ZFYVE28: variants seen among roughly 807,000 people sequenced by gnomAD.
ZFYVE28 encodes lateral signaling target protein 2 homolog.
In ZFYVE28, 40 loss-of-function variants were observed where a neutral mutation model predicts 82.1. The ratio of observed to expected loss-of-function variants is 0.49; its 90% CI spans 0.38 to 0.63. The LOEUF (loss-of-function observed/expected upper bound fraction) is 0.63, where lower values mean the gene tolerates loss of function less well. Among genes scored for constraint, ZFYVE28 ranks in the 30% least tolerant of loss-of-function variants. The pLI is 0.00. For missense variants in ZFYVE28, 1,321 were observed against 1,242.1 expected (o/e 1.06, Z -0.96); for synonymous variants, 612 against 546.1 (o/e 1.12, Z -1.68).
At chr4:2,296,210 T>C (rs1714546600) in intron 8 of ZFYVE28, among the ~76,000 whole-genome samples, 2 of 152,174 alleles carry the variant, frequency 1.3e-5, no homozygotes, top group East Asian at 3.9e-4. Flanking sequence ...TCCCAGGACT[T>C]TGCTGGCCTG....
rs1411461266 is a variant in ZFYVE28 at position 2,416,147 on chromosome 4, C to T, written c.39+2138G>A. 6.6e-6 allele frequency among the ~76,000 whole-genome samples: 1 copy of T among 152,230 alleles called. No individual in the cohort carries two copies. The highest frequency in any genetic ancestry group is 6.5e-5 in the Admixed American group (1 of 15,286). ...CGCCGCCTGCCTGGAAAGGCAGCTG[C>T]CTGCTGAAGAGGAAAAGTTGGGAAC... On this transcript the variant is annotated intron_variant, in intron 1 of 12. Coordinates refer to ENST00000290974, the MANE Select transcript of ZFYVE28 (RefSeq NM_020972.3). The surrounding 1 kb of genome is among the most constrained non-coding windows in gnomAD (Gnocchi z 4.6).
At chr4:2,333,394 G>T (rs1395607273) in intron 6 of ZFYVE28, among the ~76,000 whole-genome samples, 1 of 151,240 alleles carries the variant, frequency 6.6e-6, no homozygotes, top group African/African-American at 2.4e-5. Context: ...GCCACCAGCA[G>T]GTGGACTGAG....
chr4:2,337,877 TAC>T (rs57325124), intron 4 of ZFYVE28, among the ~76,000 whole-genome samples: 2 of 150,974 alleles, frequency 1.3e-5, no homozygotes, highest in Non-Finnish European at 2.9e-5. Context: ...TCTCTTAAAA[TAC>T]ACACACACAC....
rs1417646992 is a variant in ZFYVE28, at chr4:2,372,494, G to A, written c.40-18421C>T. Among the ~76,000 whole-genome samples the A allele has an allele frequency of 2.6e-5, 4 of 152,006 alleles. No individual in the cohort carries two copies. Among genetic ancestry groups the A allele is most frequent in the South Asian group, 4.2e-4 (2 of 4,814 alleles). ...ACCCGATTCGGGTCTCTGCCTGGAC[G>A]TCACCATCATCGAGGCCTCCTAGCC... On this transcript the variant is annotated intron_variant, in intron 1 of 12. Transcript: ENST00000290974. The surrounding 1 kb of genome is among the most constrained non-coding windows in gnomAD (Gnocchi z 5.2).
At chr4:2,291,285 G>A (rs1010385747) in intron 8 of ZFYVE28, among the ~76,000 whole-genome samples, 4 of 152,194 alleles carry the variant, frequency 2.6e-5, no homozygotes, top group East Asian at 1.9e-4. Flanking sequence ...CTTGGCTTTC[G>A]AGAAGGGGCT....
At chr4:2,290,518 C>G (rs1308767178) in intron 8 of ZFYVE28, among the ~76,000 whole-genome samples, 3 of 152,218 alleles carry the variant, frequency 2.0e-5, no homozygotes, top group Admixed American at 6.5e-5. Context: ...TGCAACGCTG[C>G]TCACTGATGG....
chr4:2,314,199 TG>T (rs1203752465), intron 7 of ZFYVE28, among the ~76,000 whole-genome samples: 1 of 152,254 alleles, frequency 6.6e-6, no homozygotes, highest in Non-Finnish European at 1.5e-5. Context: ...AAGTTTACTT[TG>T]ATAAATATAA....
chr4:2,346,240 G>A (rs1723561663), intron 2 of ZFYVE28, among the ~76,000 whole-genome samples: 1 of 151,222 alleles, frequency 6.6e-6, no homozygotes, highest in Admixed American at 6.6e-5. Context: ...TACGTGGGGG[G>A]CTGAGGCAGG....
At chr4:2,330,736 A>G in intron 6 of ZFYVE28, 1 of 1,470,482 alleles carries the variant, frequency 6.8e-7, no homozygotes, top group South Asian at 1.4e-5. Context: ...ATCATGGAAA[A>G]GGGGACAGTG....
In ZFYVE28 at chr4:2,409,473, T is replaced by C. The variant is rs1187468372; in HGVS notation, c.39+8812A>G. On this transcript the variant is annotated intron_variant, in intron 1 of 12. Coordinates refer to ENST00000290974, the MANE Select transcript of ZFYVE28 (RefSeq NM_020972.3). This position sits in a 1 kb window ranked among gnomAD's most constrained non-coding sequence, Gnocchi z 4.4. ...CCCCATCTGCAGCGACCCCACCTTGTCCCCTGTGCTCCAAGTGCACCCAGC... is the reference window on the plus strand; with the variant it reads ...CCCCATCTGCAGCGACCCCACCTTGCCCCCTGTGCTCCAAGTGCACCCAGC... 6.6e-6 allele frequency among the ~76,000 whole-genome samples: 1 copy of C among 151,922 alleles called. No homozygotes were observed. Among genetic ancestry groups the C allele is most frequent in the Non-Finnish European group, 1.5e-5 (1 of 67,972 alleles).
chr4:2,312,652 C>A (rs1341091662), intron 7 of ZFYVE28, among the ~76,000 whole-genome samples: 1 of 146,014 alleles, frequency 6.8e-6, no homozygotes, highest in African/African-American at 2.6e-5. Context: ...GGCATGAACC[C>A]AGGAGGCGGA....
intron 1 of ZFYVE28, among the ~76,000 whole-genome samples, chr4:2,387,186 G>C (rs1729356997): frequency 6.6e-6 from 1 of 152,166 alleles, no homozygotes; most frequent in Non-Finnish European, 1.5e-5. Flanking sequence ...CAGCGGCCTA[G>C]GGTCCCCCAA....
chr4:2,394,111 G>A lies in ZFYVE28; in HGVS notation c.39+24174C>T, dbSNP rs187852218. 4.1e-3 allele frequency among the ~76,000 whole-genome samples: 623 copies of A among 152,188 alleles called. No individual in the cohort carries two copies. Among genetic ancestry groups the A allele is most frequent in the Middle Eastern group, 0.017 (5 of 294 alleles). On this transcript the variant is annotated intron_variant, in intron 1 of 12. Transcript: ENST00000290974. This position sits in a 1 kb window ranked among gnomAD's most constrained non-coding sequence, Gnocchi z 4.0. ...TGCACGTCTACAGCCTTCTTCCCAG[G>A]CCCAGCTCCTCTGACTCTCCTGCCC...
intron 1 of ZFYVE28, among the ~76,000 whole-genome samples, chr4:2,369,110 T>C (rs938468168): frequency 2.0e-5 from 3 of 152,184 alleles, no homozygotes; most frequent in African/African-American, 7.2e-5. Flanking sequence ...CACCTGCACA[T>C]CTTCTCTGGA....
intron 8 of ZFYVE28, among the ~76,000 whole-genome samples, chr4:2,301,825 A>G (rs899153973): frequency 6.6e-6 from 1 of 152,214 alleles, no homozygotes; most frequent in Non-Finnish European, 1.5e-5. Context: ...AGTAGTGGGG[A>G]AAAGGTGCTC....
chr4:2,319,321 G>T (rs1391353396), intron 7 of ZFYVE28, among the ~76,000 whole-genome samples: 2 of 152,282 alleles, frequency 1.3e-5, no homozygotes, highest in South Asian at 2.1e-4. Context: ...ACTGAACCAA[G>T]CACCCCTGCC....
chr4:2,400,593 C>T (rs1338379220), intron 1 of ZFYVE28, among the ~76,000 whole-genome samples: 2 of 152,120 alleles, frequency 1.3e-5, no homozygotes, highest in Non-Finnish European at 2.9e-5. Context: ...AGTATTAACT[C>T]ACACAATCAC....
At chr4:2,413,100 G>GCAGCC (rs1294663926) in intron 1 of ZFYVE28, among the ~76,000 whole-genome samples, 1 of 152,202 alleles carries the variant, frequency 6.6e-6, no homozygotes, top group African/African-American at 2.4e-5. Context: ...CCCTCTGTCT[G>GCAGCC]CAGCCCAGGC....
At chr4:2,355,032 C>T (rs1255885868) in intron 1 of ZFYVE28, among the ~76,000 whole-genome samples, 1 of 151,100 alleles carries the variant, frequency 6.6e-6, no homozygotes, top group Non-Finnish European at 1.5e-5. Flanking sequence ...GCAACCACCA[C>T]ACGCCCCAAC....
Sources: allele counts gnomAD v4.1 joint callset (sites outside exome capture counted in the v4.1 genomes callset), GRCh38; gene constraint gnomAD v4.1.1; non-coding constraint Gnocchi (gnomAD v3.1); transcripts MANE v1.5; gene names NCBI Gene and HGNC (gene_info 2026-07-23, HGNC 2026-07-21).